The following STXBP4 variants were observed in gnomAD, a reference collection of about 807,000 sequenced individuals.
STXBP4 encodes syntaxin binding protein 4.
STXBP4 carries 55 observed loss-of-function variants against 76.1 expected under a neutral mutation model. The ratio of observed to expected loss-of-function variants is 0.72; its 90% CI spans 0.58 to 0.91. The LOEUF is 0.91. Ranked by LOEUF, STXBP4 falls within the 40% of genes least tolerant of loss-of-function variation. The pLI is 0.00. For synonymous variants in STXBP4, 201 were observed against 220.2 expected (o/e 0.91, Z 0.77); for missense variants, 618 against 636.9 (o/e 0.97, Z 0.32).
chr17:55,132,924 A>G (rs986129672), intron 16 of STXBP4, among the ~76,000 whole-genome samples: 3 of 152,214 alleles, frequency 2.0e-5, no homozygotes, highest in Non-Finnish European at 4.4e-5. Context: ...TGAAGCAGGA[A>G]CATACTTGTT....
At chr17:55,197,820 T>C in the STXBP4 span, among the ~76,000 whole-genome samples, 1 of 152,058 alleles carries the variant, frequency 6.6e-6, no homozygotes, top group Non-Finnish European at 1.5e-5. Flanking sequence ...GAGCACAGGC[T>C]AGCTGAATTT....
the STXBP4 span, among the ~76,000 whole-genome samples, chr17:55,207,578 A>G: frequency 6.6e-6 from 1 of 152,168 alleles, no homozygotes; most frequent in Non-Finnish European, 1.5e-5. Context: ...TTTCTAGTCT[A>G]CTTTTACTAG....
chr17:55,047,589 T>G (rs2078807531), intron 12 of STXBP4, among the ~76,000 whole-genome samples: 1 of 150,478 alleles, frequency 6.6e-6, no homozygotes, highest in Non-Finnish European at 1.5e-5. Flanking sequence ...AAGCAAATAT[T>G]TATTTTCACT....
chr17:55,001,809 CT>C (rs1000348713), intron 7 of STXBP4, among the ~76,000 whole-genome samples: 2 of 151,936 alleles, frequency 1.3e-5, no homozygotes, highest in African/African-American at 4.8e-5. Context: ...ATTTTTTGTA[CT>C]TTTAGTAGAG....
chr17:55,203,485 G>A, the STXBP4 span, among the ~76,000 whole-genome samples: 1 of 152,108 alleles, frequency 6.6e-6, no homozygotes, highest in Non-Finnish European at 1.5e-5. Context: ...TCTAAGGTGA[G>A]TTTGAAAATT....
intron 8 of STXBP4, among the ~76,000 whole-genome samples, chr17:55,027,267 C>G (rs1224519772): frequency 6.6e-6 from 1 of 152,146 alleles, no homozygotes; most frequent in African/African-American, 2.4e-5. Context: ...CTTTGCCCCT[C>G]CACCCACTCT....
intron 16 of STXBP4, among the ~76,000 whole-genome samples, chr17:55,100,535 A>G (rs541133448): frequency 2.0e-5 from 3 of 152,266 alleles, no homozygotes; most frequent in South Asian, 2.1e-4. Context: ...AAACTTTTAC[A>G]CATAGTGTTA....
At chr17:55,098,522 A>G (rs2079523208) in intron 16 of STXBP4, among the ~76,000 whole-genome samples, 1 of 152,202 alleles carries the variant, frequency 6.6e-6, no homozygotes, top group South Asian at 2.1e-4. Context: ...CATTTCATCC[A>G]TGTGAGGCAG....
At chr17:55,018,319 G>C (rs899636874) in intron 8 of STXBP4, among the ~76,000 whole-genome samples, 1 of 152,172 alleles carries the variant, frequency 6.6e-6, no homozygotes, top group South Asian at 2.1e-4. Flanking sequence ...ACACTCTGCC[G>C]GATTGAGAGG....
intron 12 of STXBP4, among the ~76,000 whole-genome samples, chr17:55,051,092 T>C (rs1598266732): frequency 1.3e-5 from 2 of 152,118 alleles, no homozygotes; most frequent in Admixed American, 1.3e-4. Flanking sequence ...AGCAATGAAA[T>C]TGATTACCTA....
Position 54,968,773 on chromosome 17 carries a change from G to A in STXBP4, c.-199G>A. On this transcript the variant is annotated 5_prime_UTR_variant, in exon 1 of 18. Transcript: ENST00000376352. ...TGGCTACCAGGCTCCTCAGGTGGCA[G>A]CGCTTGCAGTCGGGCTACGGAGGCC... 1 of 1,148,118 alleles carries A rather than the reference G, an allele frequency of 8.7e-7. No individual in the cohort carries two copies. Among genetic ancestry groups the A allele is most frequent in the Non-Finnish European group, 1.2e-6 (1 of 815,292 alleles). 71.1% of individuals were successfully genotyped at this position (1,148,118 alleles called of 1,614,324 possible). A position where few individuals can be genotyped will look rare whatever the true frequency, so the allele number is the denominator to read the frequency against.
At chr17:55,202,370 G>C in the STXBP4 span, among the ~76,000 whole-genome samples, 1 of 151,722 alleles carries the variant, frequency 6.6e-6, no homozygotes, top group African/African-American at 2.4e-5. Flanking sequence ...TAAACAGGTA[G>C]GACCTGTTAC....
chr17:55,020,991 A>G (rs1449069158), intron 8 of STXBP4, among the ~76,000 whole-genome samples: 2 of 152,188 alleles, frequency 1.3e-5, no homozygotes, highest in Non-Finnish European at 2.9e-5. Flanking sequence ...TTTTCCGGCT[A>G]TAAAACTATT....
chr17:55,080,825 A>G (rs1327564207), intron 15 of STXBP4, among the ~76,000 whole-genome samples: 5 of 152,208 alleles, frequency 3.3e-5, no homozygotes, highest in Non-Finnish European at 4.4e-5. Flanking sequence ...TTTATCATAC[A>G]TGAAGTCAAC....
downstream of STXBP4, among the ~76,000 whole-genome samples, chr17:55,176,423 T>C (rs1598364764): frequency 6.6e-6 from 1 of 151,926 alleles, no homozygotes; most frequent in South Asian, 2.1e-4. Flanking sequence ...TGCTGTGGGG[T>C]TCAGTGTAAC....
At chr17:55,154,821 T>A (rs1019583446) in intron 17 of STXBP4, among the ~76,000 whole-genome samples, 2 of 152,130 alleles carry the variant, frequency 1.3e-5, no homozygotes, top group Non-Finnish European at 2.9e-5. Context: ...TACAATAGCT[T>A]TAGATTCTTA....
At chr17:55,049,974 A>T (rs2078838615) in intron 12 of STXBP4, among the ~76,000 whole-genome samples, 2 of 152,224 alleles carry the variant, frequency 1.3e-5, no homozygotes, top group East Asian at 1.9e-4. Context: ...ATAAAAAATG[A>T]AAGAAATTTT....
rs910919110 is a variant in STXBP4 at position 55,164,499 on chromosome 17, G to C, written c.*4588G>C. The C allele has an allele frequency of 7.4e-6, 1 of 135,658 alleles. No individual in the cohort carries two copies. The highest frequency in any genetic ancestry group is 2.8e-5 in the African/African-American group (1 of 35,114). The allele number at this position is 135,658 out of a possible 1,614,324, so 8.4% of individuals were successfully genotyped here. On this transcript the variant is annotated 3_prime_UTR_variant, in exon 18 of 18. Coordinates refer to ENST00000376352, the MANE Select transcript of STXBP4 (RefSeq NM_178509.6). ...CGCTCTGTCGCCCAGGCGGGACTGC[G>C]GACTGCAGCGGCGCAATCTCGGCTC...
intron 16 of STXBP4, among the ~76,000 whole-genome samples, chr17:55,119,345 T>C (rs1237216130): frequency 6.6e-6 from 1 of 152,112 alleles, no homozygotes; most frequent in Non-Finnish European, 1.5e-5. Context: ...TTTAGAGAGA[T>C]CTGATAATGG....
Sources: allele counts gnomAD v4.1 joint callset (sites outside exome capture counted in the v4.1 genomes callset), GRCh38; gene constraint gnomAD v4.1.1; transcripts MANE v1.5; gene names NCBI Gene and HGNC (gene_info 2026-07-23, HGNC 2026-07-21).